The following PCDHGA8 variants were observed in gnomAD, a reference collection of about 807,000 sequenced individuals.
The protein encoded by PCDHGA8 is protocadherin gamma subfamily A, 8, also known as protocadherin gamma-A8.
PCDHGA8 carries 45 observed loss-of-function variants against 59.2 expected under a neutral mutation model. The observed-to-expected ratio is 0.76, with a 90% CI of 0.60 to 0.98. PCDHGA8 has a LOEUF of 0.98. Ranked by LOEUF, PCDHGA8 falls within the 50% of genes least tolerant of loss-of-function variation. The pLI is 0.00. For synonymous variants in PCDHGA8, 531 were observed against 519.0 expected (o/e 1.02, Z -0.32); for missense variants, 1,257 against 1,196.2 (o/e 1.05, Z -0.75).
At chr5:141,402,812 C>A in intron 1 of PCDHGA8, 1 of 1,243,796 alleles carries the variant, frequency 8.0e-7, no homozygotes, top group Non-Finnish European at 1.1e-6. Flanking sequence ...GCAGATACCA[C>A]AAACCTGCTC....
rs1412764202 is a variant in PCDHGA8, at chr5:141,486,708, C to T, written c.2425-8099C>T. The T allele has an allele frequency of 1.2e-6, 2 of 1,614,062 alleles. No individual in the cohort carries two copies. Among genetic ancestry groups the T allele is most frequent in the Non-Finnish European group, 1.7e-6 (2 of 1,180,054 alleles). ...GCTTCCTCTTTCATCTCTCTGAACC[C>T]CCAGACAGGAGCTGTTCATGCTACT... On this transcript the variant is annotated intron_variant, in intron 1 of 3. Coordinates refer to ENST00000398604, the MANE Select transcript of PCDHGA8 (RefSeq NM_032088.2). This position sits in a 1 kb window ranked among gnomAD's most constrained non-coding sequence, Gnocchi z 5.0.
chr5:141,403,367 G>A (rs753470303), intron 1 of PCDHGA8: 1 of 1,614,038 alleles, frequency 6.2e-7, no homozygotes, highest in South Asian at 1.1e-5. Context: ...CGAAAGTCTG[G>A]AAGTAAAAAT....
Position 141,476,348 on chromosome 5 carries a change from G to C in PCDHGA8, c.2425-18459G>C, listed in dbSNP as rs764669470. Reference sequence around the variant, plus strand: ...GTCTGGAGCTAGCCGAAGATTCTTTGAGGTGAACCGGGAGACCGGAGAGAT... The same window carrying C: ...GTCTGGAGCTAGCCGAAGATTCTTTCAGGTGAACCGGGAGACCGGAGAGAT... On this transcript the variant is annotated intron_variant, in intron 1 of 3. Transcript: ENST00000398604. The surrounding 1 kb of genome is among the most constrained non-coding windows in gnomAD (Gnocchi z 7.6). 2 of 1,614,190 alleles carry C rather than the reference G, an allele frequency of 1.2e-6. No individual in the cohort carries two copies. The highest frequency in any genetic ancestry group is 2.2e-5 in the South Asian group (2 of 91,078).
intron 2 of PCDHGA8, among the ~76,000 whole-genome samples, chr5:141,496,180 GC>G (rs1054381604): frequency 1.4e-4 from 21 of 151,922 alleles, no homozygotes; most frequent in Non-Finnish European, 2.9e-4. Flanking sequence ...CATCCAAGCA[GC>G]CCCAGCTGCT....
intron 1 of PCDHGA8, chr5:141,405,602 A>C: frequency 1.7e-6 from 1 of 572,914 alleles, no homozygotes; most frequent in South Asian, 2.3e-5. Flanking sequence ...CCCAAGTAGA[A>C]TAACTGGGAC....
intron 1 of PCDHGA8, chr5:141,419,932 C>T: frequency 6.2e-7 from 1 of 1,614,090 alleles, no homozygotes; most frequent in Non-Finnish European, 8.5e-7. Flanking sequence ...TGCAGTTTTA[C>T]CTGGTGGTGG....
rs376764580 is a variant in PCDHGA8 at position 141,400,568 on chromosome 5, T to C, written c.2424+5331T>C. On this transcript the variant is annotated intron_variant, in intron 1 of 3. Coordinates refer to ENST00000398604, the MANE Select transcript of PCDHGA8 (RefSeq NM_032088.2). ...TATTCTTTTTCATTACCCACCCAATTTTCTGTATTTACATGAAACTATCGT... is the reference window on the plus strand; with the variant it reads ...TATTCTTTTTCATTACCCACCCAATCTTCTGTATTTACATGAAACTATCGT... 46 of 1,612,870 alleles carry C rather than the reference T, an allele frequency of 2.9e-5. No homozygotes were observed. In the African/African-American group the frequency reaches 5.7e-4, roughly 20 times the overall value.
rs1046764113 is a variant in PCDHGA8, at chr5:141,495,395, G to A, written c.2483+530G>A. Among the ~76,000 whole-genome samples the A allele has an allele frequency of 4.1e-4, 62 of 152,326 alleles. 1 individual carries two copies. The highest frequency in any genetic ancestry group is 1.4e-3 in the African/African-American group (57 of 41,576). On this transcript the variant is annotated intron_variant, in intron 2 of 3. Transcript: ENST00000398604. Reference sequence around the variant, plus strand: ...GAGGAAGGACTGGGCGGGGCATGGAGCAGGCCCCCTTCTCCGGCCCCTCCT... The same window carrying A: ...GAGGAAGGACTGGGCGGGGCATGGAACAGGCCCCCTTCTCCGGCCCCTCCT...
At chr5:141,464,816 G>A (rs11167751) in intron 1 of PCDHGA8, among the ~76,000 whole-genome samples, 42,470 of 151,904 alleles carry the variant, frequency 0.28, 6,668 homozygotes, top group African/African-American at 0.43. Context: ...ATAGCTCACT[G>A]TAGCCTCGCA....
chr5:141,392,953 A>T lies in PCDHGA8; in HGVS notation c.140A>T (p.Asn47Ile). ...ACGGACAAAGGCTCCTTCGTGGGTAATATCTCCAAGGACCTGGGGCTGGAC... is the reference window on the plus strand; with the variant it reads ...ACGGACAAAGGCTCCTTCGTGGGTATTATCTCCAAGGACCTGGGGCTGGAC... ...EETDKGSFVG[N>I]ISKDLGLDPR... The change falls in exon 1 of 4, where the codon AAT (asparagine) becomes ATT (isoleucine). Residue 47 changes from asparagine (N) to isoleucine (I), a missense_variant. Transcript: ENST00000398604. 6.2e-7 allele frequency: 1 copy of T among 1,613,924 alleles called. No individual in the cohort carries two copies. Among genetic ancestry groups the T allele is most frequent in the Non-Finnish European group, 8.5e-7 (1 of 1,179,882 alleles).
At chr5:141,437,589 T>C (rs929281293) in intron 1 of PCDHGA8, among the ~76,000 whole-genome samples, 10 of 152,306 alleles carry the variant, frequency 6.6e-5, no homozygotes, top group African/African-American at 2.2e-4. Flanking sequence ...ATGAATTGGA[T>C]AGTTCTGGTG....
chr5:141,475,928 G>A, intron 1 of PCDHGA8: 1 of 630,590 alleles, frequency 1.6e-6, no homozygotes, highest in Non-Finnish European at 2.7e-6. Context: ...TGGAGATCGG[G>A]CCCCTGCCCG....
intron 1 of PCDHGA8, chr5:141,409,895 C>T (rs928044268): frequency 2.5e-6 from 4 of 1,613,098 alleles, no homozygotes; most frequent in Non-Finnish European, 3.4e-6. Flanking sequence ...GGTGCTGTAC[C>T]CAGCTCTGGG....
In PCDHGA8 at chr5:141,491,771, G is replaced by C. The variant is rs760915700; in HGVS notation, c.2425-3036G>C. ...GGAGAAGCCGCCCGTCCTCATAAGG[G>C]ATTGAACTTGCATCCACTCCTCTCC... On this transcript the variant is annotated intron_variant, in intron 1 of 3. Coordinates refer to ENST00000398604, the MANE Select transcript of PCDHGA8 (RefSeq NM_032088.2). The surrounding 1 kb of genome is among the most constrained non-coding windows in gnomAD (Gnocchi z 6.9). 6.4e-7 allele frequency: 1 copy of C among 1,558,290 alleles called. No individual in the cohort carries two copies. Among genetic ancestry groups the C allele is most frequent in the Non-Finnish European group, 8.7e-7 (1 of 1,153,586 alleles).
intron 1 of PCDHGA8, among the ~76,000 whole-genome samples, chr5:141,425,915 C>G (rs537499239): frequency 1.3e-5 from 2 of 152,336 alleles, no homozygotes; most frequent in East Asian, 3.9e-4. Context: ...AAAACAGTCA[C>G]TACGAAAACT....
At chr5:141,448,926 C>T (rs528128105) in intron 1 of PCDHGA8, among the ~76,000 whole-genome samples, 5 of 152,256 alleles carry the variant, frequency 3.3e-5, no homozygotes, top group African/African-American at 9.6e-5. Context: ...GCCTGGGCGA[C>T]AGAGCAAGAC....
intron 1 of PCDHGA8, chr5:141,398,582 T>A: frequency 6.2e-7 from 1 of 1,614,000 alleles, no homozygotes. Context: ...GGCACAAGAT[T>A]TATACTAGAA....
At chr5:141,496,310 A>G (rs1446146598) in intron 2 of PCDHGA8, among the ~76,000 whole-genome samples, 1 of 152,218 alleles carries the variant, frequency 6.6e-6, no homozygotes, top group East Asian at 1.9e-4. Context: ...GCTCTGCGCC[A>G]GGCCTCCCAG....
chr5:141,479,928 C>T (rs1309777916), intron 1 of PCDHGA8, among the ~76,000 whole-genome samples: 1 of 152,222 alleles, frequency 6.6e-6, no homozygotes, highest in African/African-American at 2.4e-5. Flanking sequence ...CTCAGTGCAT[C>T]ATTGCTATCA....
Sources: gnomAD v4.1 joint callset for allele counts (sites outside exome capture counted in the v4.1 genomes callset) on GRCh38, gnomAD v4.1.1 for gene constraint, Gnocchi (gnomAD v3.1) non-coding constraint, MANE v1.5 for transcripts, NCBI Gene and HGNC (gene_info 2026-07-23, HGNC 2026-07-21) for gene names.